Variants in EBF1 observed in about 807,000 individuals in gnomAD.
EBF1 encodes EBF transcription factor 1, also known as transcription factor COE1.
Under a neutral mutation model 68.4 loss-of-function variants are expected in EBF1, and 10 were observed. The observed-to-expected ratio is 0.15, with a 90% confidence interval of 0.09 to 0.25. The LOEUF (loss-of-function observed/expected upper bound fraction) is 0.25. Ranked by LOEUF, EBF1 falls within the 10% of genes least tolerant of loss-of-function variation. The probability of loss-of-function intolerance (pLI) is 1.00; values close to 1 mark genes in which losing one functional copy is unlikely to be tolerated. For missense variants in EBF1, 509 were observed against 794.4 expected, an observed-to-expected ratio of 0.64 and a Z score of 4.32; for synonymous variants, 298 against 299.8, an observed-to-expected ratio of 0.99 and a Z score of 0.06.
chr5:158,986,907 A>C (rs1216923821), intron 6 of EBF1: 1 of 152,256 alleles, frequency 6.6e-6, no homozygotes, highest in African/African-American at 2.4e-5. Context: ...TACTATTGCC[A>C]CCATTTCACA....
intron 10 of EBF1, among the ~76,000 whole-genome samples, chr5:158,748,484 G>T (rs1030591574): frequency 3.3e-5 from 5 of 152,134 alleles, no homozygotes; most frequent in Admixed American, 2.6e-4. Context: ...AATCTTAATT[G>T]AATGCACATA....
intron 2 of EBF1, among the ~76,000 whole-genome samples, 176 bp downstream of exon 2, chr5:159,096,798 G>T (rs1390967762): frequency 6.6e-6 from 1 of 152,232 alleles, no homozygotes; most frequent in Non-Finnish European, 1.5e-5. Flanking sequence ...TTCTGGAGAA[G>T]GAGCCAGTGG....
intron 6 of EBF1, among the ~76,000 whole-genome samples, chr5:158,918,661 A>C (rs1179980372): frequency 2.0e-5 from 3 of 151,838 alleles, no homozygotes; most frequent in African/African-American, 7.3e-5. Flanking sequence ...AACTAAACCC[A>C]CCTCTCACCC....
intron 6 of EBF1, among the ~76,000 whole-genome samples, chr5:158,892,126 C>T (rs956597936): frequency 2.0e-5 from 3 of 151,988 alleles, no homozygotes; most frequent in Non-Finnish European, 4.4e-5. Flanking sequence ...ATAGTCCTTC[C>T]TAAGTTTAAT....
At chr5:158,762,165 C>A (rs1207624350) in intron 10 of EBF1, among the ~76,000 whole-genome samples, 4 of 152,098 alleles carry the variant, frequency 2.6e-5, no homozygotes, top group African/African-American at 7.2e-5. Flanking sequence ...TTTTCTATTA[C>A]CACCTGGATC....
chr5:158,734,929 G>A (rs1163527298), intron 10 of EBF1, among the ~76,000 whole-genome samples: 1 of 152,080 alleles, frequency 6.6e-6, no homozygotes, highest in Non-Finnish European at 1.5e-5. Context: ...AACCAGTTAG[G>A]TTTAGAAGAA....
chr5:158,951,273 T>C (rs1329823024), intron 6 of EBF1, among the ~76,000 whole-genome samples: 1 of 152,214 alleles, frequency 6.6e-6, no homozygotes, highest in Non-Finnish European at 1.5e-5. Flanking sequence ...GTGGCTCTAT[T>C]ATATATTGCC....
intron 6 of EBF1, among the ~76,000 whole-genome samples, chr5:158,985,278 T>TTGGGACCA (rs758137424): frequency 3.9e-5 from 6 of 152,326 alleles, no homozygotes; most frequent in Non-Finnish European, 8.8e-5. Flanking sequence ...CTAACCAGCT[T>TTGGGACCA]TGGGACCATG....
chr5:158,910,483 G>C (rs1232076235), intron 6 of EBF1, among the ~76,000 whole-genome samples: 1 of 152,166 alleles, frequency 6.6e-6, no homozygotes, highest in Non-Finnish European at 1.5e-5. Flanking sequence ...ATGTTTCAGA[G>C]AACTGTGAGA....
chr5:158,706,161 T>C (rs1368641683), intron 15 of EBF1, among the ~76,000 whole-genome samples: 1 of 151,742 alleles, frequency 6.6e-6, no homozygotes, highest in Non-Finnish European at 1.5e-5. Context: ...TCATGAGTAA[T>C]ATTGCCTGAA....
At chr5:159,089,849 A>G (rs1477542863) in intron 4 of EBF1, among the ~76,000 whole-genome samples, 1 of 151,968 alleles carries the variant, frequency 6.6e-6, no homozygotes, top group East Asian at 1.9e-4. Context: ...AAGAAAAAGG[A>G]AGAAAGGAAA....
intron 10 of EBF1, among the ~76,000 whole-genome samples, chr5:158,764,312 C>T (rs900520062): frequency 3.3e-5 from 5 of 152,276 alleles, no homozygotes; most frequent in Middle Eastern, 3.4e-3. Context: ...TAAATATCTA[C>T]CACTAACTGA....
intron 11 of EBF1, among the ~76,000 whole-genome samples, chr5:158,727,779 C>T (rs935582560): frequency 2.6e-5 from 4 of 152,140 alleles, no homozygotes; most frequent in Admixed American, 2.0e-4. Flanking sequence ...TGTCTGCTGC[C>T]CAGCCTCTCT....
chr5:158,969,928 A>AGAAAGAAAGAAAGAAAGAAAG (rs1755263682), intron 6 of EBF1, among the ~76,000 whole-genome samples: 2 of 138,452 alleles, frequency 1.4e-5, no homozygotes, highest in Non-Finnish European at 3.2e-5. Flanking sequence ...AAAAAAAAAA[A>AGAAAGAAAGAAAGAAAGAAAG]AAGGCTGCTG....
At chr5:158,753,099 T>C (rs1304909476) in intron 10 of EBF1, among the ~76,000 whole-genome samples, 4 of 152,072 alleles carry the variant, frequency 2.6e-5, no homozygotes, top group Non-Finnish European at 5.9e-5. Flanking sequence ...TCATGAACTA[T>C]AGTAAGAAAG....
intron 10 of EBF1, among the ~76,000 whole-genome samples, chr5:158,735,747 G>T (rs1409535969): frequency 6.6e-6 from 1 of 152,118 alleles, no homozygotes; most frequent in Non-Finnish European, 1.5e-5. Context: ...TTTATGTTGG[G>T]ACTGCTTATA....
chr5:158,938,697 T>C (rs1230655595), intron 6 of EBF1, among the ~76,000 whole-genome samples: 6 of 152,290 alleles, frequency 3.9e-5, no homozygotes, highest in East Asian at 1.9e-4. Context: ...TCTCCTCTCT[T>C]TTCCTCTTCT....
At chr5:158,755,931 C>A (rs980805176) in intron 10 of EBF1, among the ~76,000 whole-genome samples, 3 of 151,974 alleles carry the variant, frequency 2.0e-5, no homozygotes, top group African/African-American at 7.2e-5. Context: ...TGGAAGTTTT[C>A]CTATTGAAAA....
At chr5:159,066,452 C>T (rs988170047) in intron 6 of EBF1, among the ~76,000 whole-genome samples, 4 of 152,182 alleles carry the variant, frequency 2.6e-5, no homozygotes, top group Non-Finnish European at 4.4e-5. Flanking sequence ...TCTGTTCCCA[C>T]CGAAAGTGGA....
Sources: allele counts gnomAD v4.1 joint callset (sites outside exome capture counted in the v4.1 genomes callset), GRCh38; gene constraint gnomAD v4.1.1; transcripts MANE v1.5; gene names NCBI Gene and HGNC (gene_info 2026-07-23, HGNC 2026-07-21).